The following ZNF407 variants were observed in gnomAD, a reference collection of about 807,000 sequenced individuals.
ZNF407 encodes zinc finger protein 407.
In ZNF407, 17 loss-of-function variants were observed where a neutral mutation model predicts 131.2. The observed-to-expected ratio is 0.13, with a 90% CI of 0.09 to 0.19. The LOEUF (loss-of-function observed/expected upper bound fraction) is 0.19, where lower values mean the gene tolerates loss of function less well. ZNF407 is among the 10% of genes least tolerant of loss of function. The pLI, the probability that ZNF407 is intolerant of heterozygous loss-of-function variation, is 1.00. For missense variants in ZNF407, 2,681 were observed against 2,830.6 expected (o/e 0.95, Z 1.20); for synonymous variants, 1,156 against 1,062.0 (o/e 1.09, Z -1.72).
At chr18:74,733,328 A>G (rs1968337094) in intron 3 of ZNF407, among the ~76,000 whole-genome samples, 1 of 152,174 alleles carries the variant, frequency 6.6e-6, no homozygotes, top group Non-Finnish European at 1.5e-5. Context: ...ACATTAAATC[A>G]TTCATGGAGT....
intron 4 of ZNF407, among the ~76,000 whole-genome samples, chr18:74,825,023 C>T (rs1599178631): frequency 2.0e-5 from 3 of 152,296 alleles, no homozygotes; most frequent in South Asian, 2.1e-4. Context: ...ACGATCAAGT[C>T]GCCTTCATAC....
At chr18:74,909,452 G>T (rs1971639686) in intron 7 of ZNF407, among the ~76,000 whole-genome samples, 1 of 152,064 alleles carries the variant, frequency 6.6e-6, no homozygotes, top group South Asian at 2.1e-4. Flanking sequence ...AAAAGAAAAT[G>T]TTCTGTAGTC....
At chr18:74,938,563 C>G (rs1972064340) in intron 8 of ZNF407, among the ~76,000 whole-genome samples, 1 of 152,078 alleles carries the variant, frequency 6.6e-6, no homozygotes, top group Non-Finnish European at 1.5e-5. Context: ...TTCGTTGGTA[C>G]CTTTCAAATG....
At chr18:74,964,297 C>T (rs1421589990) in intron 8 of ZNF407, among the ~76,000 whole-genome samples, 2 of 152,206 alleles carry the variant, frequency 1.3e-5, no homozygotes, top group Non-Finnish European at 2.9e-5. Context: ...GCAATGCACA[C>T]TGTACCCATA....
chr18:74,656,158 TCA>T (rs1292907755), intron 3 of ZNF407, among the ~76,000 whole-genome samples: 26 of 152,180 alleles, frequency 1.7e-4, no homozygotes, highest in Non-Finnish European at 2.8e-4. Flanking sequence ...GAAATTTTAC[TCA>T]CACATTTGTT....
chr18:74,963,414 T>C (rs1400648025), intron 8 of ZNF407, among the ~76,000 whole-genome samples: 1 of 152,184 alleles, frequency 6.6e-6, no homozygotes, highest in African/African-American at 2.4e-5. Context: ...TATCGGGTGG[T>C]AATATTTTCA....
chr18:74,720,191 T>C (rs796384216), intron 3 of ZNF407, among the ~76,000 whole-genome samples: 2 of 152,132 alleles, frequency 1.3e-5, no homozygotes, highest in African/African-American at 4.8e-5. Context: ...TTTTTTTGTC[T>C]TTTTGAGAAT....
At chr18:75,031,001 C>G (rs1278134646) in intron 8 of ZNF407, among the ~76,000 whole-genome samples, 1 of 152,232 alleles carries the variant, frequency 6.6e-6, no homozygotes, top group Non-Finnish European at 1.5e-5. Flanking sequence ...TTATAACCCT[C>G]TTGGGCCATG....
chr18:74,850,800 T>C (rs1199256623), intron 4 of ZNF407, among the ~76,000 whole-genome samples: 2 of 152,226 alleles, frequency 1.3e-5, no homozygotes, highest in African/African-American at 4.8e-5. Flanking sequence ...TTCCGTATTA[T>C]GTTTATTCAG....
At chr18:74,758,148 G>C (rs930056219) in intron 3 of ZNF407, among the ~76,000 whole-genome samples, 14 of 152,070 alleles carry the variant, frequency 9.2e-5, no homozygotes, top group African/African-American at 3.4e-4. Flanking sequence ...TTGACAAGTA[G>C]AATTTACAGG....
intron 4 of ZNF407, among the ~76,000 whole-genome samples, chr18:74,853,199 C>T (rs1392750044): frequency 6.6e-6 from 1 of 152,150 alleles, no homozygotes. Flanking sequence ...AATTAATGCT[C>T]CTAGCCACTA....
chr18:74,945,015 G>T (rs1042890870), intron 8 of ZNF407, among the ~76,000 whole-genome samples: 1 of 152,074 alleles, frequency 6.6e-6, no homozygotes, highest in Non-Finnish European at 1.5e-5. Flanking sequence ...AGCCAGCGAC[G>T]ACTCGTATGC....
chr18:74,858,788 T>G (rs528483964), intron 4 of ZNF407, among the ~76,000 whole-genome samples: 41 of 152,310 alleles, frequency 2.7e-4, no homozygotes, highest in Admixed American at 2.4e-3. Flanking sequence ...CCAATAATGT[T>G]GAGCATGTGC....
chr18:74,959,669 C>T (rs770543611), intron 8 of ZNF407, among the ~76,000 whole-genome samples: 1 of 152,186 alleles, frequency 6.6e-6, no homozygotes, highest in African/African-American at 2.4e-5. Flanking sequence ...AAGATCTTCC[C>T]AGCACACTTC....
chr18:74,953,768 G>C (rs1315595043), intron 8 of ZNF407, among the ~76,000 whole-genome samples: 1 of 152,202 alleles, frequency 6.6e-6, no homozygotes, highest in Non-Finnish European at 1.5e-5. Context: ...CCTTTTACCA[G>C]CTGGCTGCAG....
chr18:74,997,886 A>T (rs149440914), intron 8 of ZNF407, among the ~76,000 whole-genome samples: 4 of 152,286 alleles, frequency 2.6e-5, no homozygotes, highest in African/African-American at 9.6e-5. Flanking sequence ...CATTTTTTCT[A>T]CTCAATCTTA....
At chr18:74,968,196 C>CAT (rs1972430242) in intron 8 of ZNF407, among the ~76,000 whole-genome samples, 1 of 152,172 alleles carries the variant, frequency 6.6e-6, no homozygotes, top group African/African-American at 2.4e-5. Flanking sequence ...TAGGTATTAG[C>CAT]ATATACATGC....
intron 1 of ZNF407, among the ~76,000 whole-genome samples, chr18:74,627,249 C>T (rs1983823684): frequency 6.6e-6 from 1 of 152,142 alleles, no homozygotes; most frequent in African/African-American, 2.4e-5. Context: ...CTGTTTTAAG[C>T]AATGTATTGT....
chr18:74,712,788 T>C (rs1486360408), intron 3 of ZNF407, among the ~76,000 whole-genome samples: 5 of 152,162 alleles, frequency 3.3e-5, no homozygotes, highest in African/African-American at 1.2e-4. Context: ...TTGCTGTCAG[T>C]TGGCTATCCA....
Sources: gnomAD v4.1 joint callset for allele counts (sites outside exome capture counted in the v4.1 genomes callset) on GRCh38, gnomAD v4.1.1 for gene constraint, MANE v1.5 for transcripts, NCBI Gene and HGNC (gene_info 2026-07-23, HGNC 2026-07-21) for gene names.